ANKS3: variants seen among roughly 807,000 people sequenced by gnomAD.
ANKS3 encodes the protein ankyrin repeat and sterile alpha motif domain containing 3.
In ANKS3, 62 loss-of-function variants were observed where a neutral mutation model predicts 80.7. That is an observed-to-expected ratio of 0.77 (90% CI 0.63 to 0.95). ANKS3 has a LOEUF of 0.95. ANKS3 is among the 40% of genes least tolerant of loss of function. The probability of loss-of-function intolerance (pLI) is 0.00; values close to 1 mark genes in which losing one functional copy is unlikely to be tolerated. For synonymous variants in ANKS3, 489 were observed against 355.3 expected, an observed-to-expected ratio of 1.38 and a Z score of -4.23; for missense variants, 1,150 against 883.6, an observed-to-expected ratio of 1.30 and a Z score of -3.82.
At chr16:4,713,650 A>C (rs1249198224) in intron 7 of ANKS3, among the ~76,000 whole-genome samples, 1 of 152,218 alleles carries the variant, frequency 6.6e-6, no homozygotes, top group Non-Finnish European at 1.5e-5. Context: ...GATATAGTTA[A>C]TTTATACATT....
intron 7 of ANKS3, among the ~76,000 whole-genome samples, chr16:4,705,577 G>A (rs543313759): frequency 2.5e-4 from 38 of 151,494 alleles, no homozygotes; most frequent in Admixed American, 1.8e-3. Context: ...CGATTCTCAC[G>A]CCTCACCCTT....
At chr16:4,706,366 G>T (rs1253561988) in intron 7 of ANKS3, among the ~76,000 whole-genome samples, 1 of 152,026 alleles carries the variant, frequency 6.6e-6, no homozygotes, top group Non-Finnish European at 1.5e-5. Context: ...AAGTAGCTGG[G>T]ACTACAGGCA....
chr16:4,730,386 T>G, intron 2 of ANKS3: 1 of 375,480 alleles, frequency 2.7e-6, no homozygotes, highest in East Asian at 4.0e-5. Context: ...GCACATATGG[T>G]GAGGCATTAA....
intron 7 of ANKS3, among the ~76,000 whole-genome samples, chr16:4,708,916 G>A (rs2080342314): frequency 6.6e-6 from 1 of 151,472 alleles, no homozygotes; most frequent in South Asian, 2.1e-4. Flanking sequence ...TCCAGCCTGG[G>A]CAACAGAGCG....
chr16:4,700,303 G>C (rs962289498), intron 11 of ANKS3: 1 of 154,410 alleles, frequency 6.5e-6, no homozygotes, highest in Admixed American at 6.4e-5. Context: ...TGTAATCCCA[G>C]CTACTTGGGA....
At position 4,697,981 on chromosome 16, in the gene ANKS3, T is replaced by G. The variant is rs772751078; in HGVS notation, c.1806A>C (p.Pro602=). Reference sequence around the variant, plus strand: ...GAGTCAGGCCACTGCTCTTACCAGCTGGGGGGACGGCTAGGCCCAGAGTGG... The same window carrying G: ...GAGTCAGGCCACTGCTCTTACCAGCGGGGGGGACGGCTAGGCCCAGAGTGG... The part of the protein sequence containing the change: ...GAATLGLAVP[P]ADSKGWQASL... Residue 602 remains proline (P), a synonymous_variant, in exon 15 of 18, where the codon CCA becomes CCC. Transcript: ENST00000304283. The G allele has an allele frequency of 2.5e-6, 4 of 1,591,894 alleles. No individual in the cohort carries two copies. In the Admixed American group the frequency reaches 7.0e-5, roughly 28 times the overall value.
intron 6 of ANKS3, among the ~76,000 whole-genome samples, chr16:4,720,994 G>A (rs1181100869): frequency 7.5e-6 from 1 of 133,750 alleles, no homozygotes; most frequent in African/African-American, 2.8e-5. Flanking sequence ...GGAATACCAT[G>A]CCACCATAAA....
At chr16:4,713,355 G>C (rs986135698) in intron 7 of ANKS3, among the ~76,000 whole-genome samples, 2 of 151,502 alleles carry the variant, frequency 1.3e-5, no homozygotes, top group Non-Finnish European at 2.9e-5. Flanking sequence ...CACCACTAAA[G>C]GACTTATTCA....
At chr16:4,730,371 G>A (rs1465563326) in intron 2 of ANKS3, 1 of 389,936 alleles carries the variant, frequency 2.6e-6, no homozygotes, top group African/African-American at 2.1e-5. Context: ...CACCAGTAAA[G>A]AGGAGCACAT....
In ANKS3 at chr16:4,702,233, G is replaced by A. The variant is rs774079337; in HGVS notation, c.878C>T (p.Pro293Leu). ...RAPRPRYEQAPPRGYVTFNSS... is the reference protein window; with the variant it reads ...RAPRPRYEQALPRGYVTFNSS... ...GTTGAAGGTGACATAGCCACGGGGA[G>A]GAGCCTGCTCTGTGTACAGAATGGG... The change falls in exon 9 of 18, where the codon CCT becomes CTT. Residue 293 changes from proline to leucine, a missense_variant. Physicochemically the swap from Pro to Leu is moderately conservative, Grantham distance 98 (BLOSUM62 -3). Transcript: ENST00000304283. The A allele has an allele frequency of 7.6e-6, 12 of 1,582,448 alleles. No homozygotes were observed. The highest frequency in any genetic ancestry group is 1.0e-5 in the Non-Finnish European group (12 of 1,164,888).
At chr16:4,719,313 AC>A (rs2080964115) in intron 6 of ANKS3, among the ~76,000 whole-genome samples, 1 of 152,196 alleles carries the variant, frequency 6.6e-6, no homozygotes. Flanking sequence ...GCATGGGCAA[AC>A]AGAGTGAGAC....
chr16:4,732,211 C>T (rs1187130924), intron 1 of ANKS3, among the ~76,000 whole-genome samples: 1 of 152,152 alleles, frequency 6.6e-6, no homozygotes, highest in Non-Finnish European at 1.5e-5. Flanking sequence ...GTGCAGTGCC[C>T]TTCCCTCACT....
chr16:4,731,697 A>AGTCACATCCT, intron 1 of ANKS3, 118 bp from the exon 2 acceptor site: 1 of 424,022 alleles, frequency 2.4e-6, no homozygotes, highest in Non-Finnish European at 3.2e-6. Context: ...CAGACAAACC[A>AGTCACATCCT]GGATGTGACT....
chr16:4,701,101 T>C lies in ANKS3; in HGVS notation c.1153A>G (p.Lys385Glu). Residue 385 changes from lysine to glutamate, a missense_variant, in exon 11 of 18, where the codon AAA (lysine) becomes GAA (glutamate). Lys to Glu is a moderately conservative substitution (Grantham distance 56). Transcript: ENST00000304283. The stretch of plus-strand genomic sequence containing the variant: ...GTCTTCATGTAACTTTTAGCTTGTT[T>C]GCGAGCTGAGCTTTTACAGGCATGA... ...SDHACKSSARKQAKSYMKTKN... is the reference protein window; with the variant it reads ...SDHACKSSAREQAKSYMKTKN... 2 of 1,614,022 alleles carry C rather than the reference T, an allele frequency of 1.2e-6. No homozygotes were observed. Among genetic ancestry groups the C allele is most frequent in the Non-Finnish European group, 1.7e-6 (2 of 1,180,018 alleles).
intron 1 of ANKS3, among the ~76,000 whole-genome samples, chr16:4,733,348 G>A (rs184677077): frequency 2.6e-5 from 4 of 151,848 alleles, no homozygotes; most frequent in Admixed American, 1.3e-4. Context: ...CTAGAGTGCA[G>A]CGGCGTGATC....
At chr16:4,706,577 G>C (rs1225759463) in intron 7 of ANKS3, among the ~76,000 whole-genome samples, 1 of 152,212 alleles carries the variant, frequency 6.6e-6, no homozygotes, top group Non-Finnish European at 1.5e-5. Flanking sequence ...TGTTTGCTAT[G>C]ATTATAAACT....
chr16:4,702,022 C>T (rs1292406321), intron 9 of ANKS3, 80 bp downstream of exon 9: 14 of 1,469,274 alleles, frequency 9.5e-6, no homozygotes, highest in Non-Finnish European at 1.3e-5. Context: ...GCGCCAGGCC[C>T]AGGGGATAAG....
At chr16:4,716,902 G>C (rs1355210907) in intron 6 of ANKS3, among the ~76,000 whole-genome samples, 1 of 151,130 alleles carries the variant, frequency 6.6e-6, no homozygotes, top group East Asian at 2.0e-4. Flanking sequence ...ACGACAGACT[G>C]AGATTCCATC....
intron 8 of ANKS3, among the ~76,000 whole-genome samples, chr16:4,702,703 T>C (rs761393721): frequency 1.3e-5 from 2 of 152,228 alleles, no homozygotes; most frequent in Middle Eastern, 6.8e-3. Context: ...GAGACCTGGC[T>C]GAGCAGGAAG....
Sources: gnomAD v4.1 joint callset for allele counts (sites outside exome capture counted in the v4.1 genomes callset) on GRCh38, gnomAD v4.1.1 for gene constraint, MANE v1.5 for transcripts, NCBI Gene and HGNC (gene_info 2026-07-23, HGNC 2026-07-21) for gene names.